The following ASAP1 variants were observed in gnomAD, a reference collection of about 807,000 sequenced individuals.
The protein encoded by ASAP1 is ArfGAP with SH3 domain, ankyrin repeat and PH domain 1.
Under a neutral mutation model 145.2 loss-of-function variants are expected in ASAP1, and 43 were observed. The ratio of observed to expected loss-of-function variants is 0.30; its 90% CI spans 0.23 to 0.38. ASAP1 has a LOEUF of 0.38. Among genes scored for constraint, ASAP1 ranks in the 10% least tolerant of loss-of-function variants. The probability of loss-of-function intolerance (pLI) is 1.00; values close to 1 mark genes in which losing one functional copy is unlikely to be tolerated. For missense variants in ASAP1, 1,018 were observed against 1,355.3 expected (o/e 0.75, Z 3.91); for synonymous variants, 546 against 515.5 (o/e 1.06, Z -0.80).
chr8:130,337,040 T>A (rs1825080845), intron 3 of ASAP1, among the ~76,000 whole-genome samples: 3 of 152,176 alleles, frequency 2.0e-5, no homozygotes, highest in African/African-American at 7.2e-5. Flanking sequence ...ACTTTACATA[T>A]CTTTACAATA....
intron 24 of ASAP1, among the ~76,000 whole-genome samples, chr8:130,096,519 G>A (rs1041128793): frequency 3.9e-5 from 6 of 152,156 alleles, no homozygotes; most frequent in African/African-American, 1.4e-4. Flanking sequence ...CACTAATATT[G>A]GCTACCATGT....
chr8:130,224,847 A>G (rs1817500270), intron 4 of ASAP1, among the ~76,000 whole-genome samples: 1 of 152,196 alleles, frequency 6.6e-6, no homozygotes, highest in Non-Finnish European at 1.5e-5. Flanking sequence ...ATCTTCACAA[A>G]AGCAGGACTG....
intron 3 of ASAP1, among the ~76,000 whole-genome samples, chr8:130,268,968 G>A (rs940920949): frequency 1.1e-4 from 16 of 152,164 alleles, no homozygotes; most frequent in Admixed American, 8.5e-4. Flanking sequence ...GAGGGAGGGT[G>A]GAGAAGGAAC....
chr8:130,093,993 T>A (rs76446802), intron 24 of ASAP1, among the ~76,000 whole-genome samples: 5,051 of 152,226 alleles, frequency 0.033, 96 homozygotes, highest in Middle Eastern at 0.071. Context: ...ATAATTTACA[T>A]CTTTGTCCCA....
chr8:130,398,356 G>T, intron 2 of ASAP1, among the ~76,000 whole-genome samples: 1 of 152,048 alleles, frequency 6.6e-6, no homozygotes, highest in East Asian at 1.9e-4. Flanking sequence ...CTTCTATTGG[G>T]AAAAATAGTA....
intron 2 of ASAP1, among the ~76,000 whole-genome samples, chr8:130,391,339 G>T (rs1828275217): frequency 2.0e-5 from 3 of 152,190 alleles, no homozygotes; most frequent in Admixed American, 2.0e-4. Context: ...AAGATGAAAA[G>T]AATTCTGGAG....
chr8:130,430,166 T>G (rs563209727), intron 1 of ASAP1, among the ~76,000 whole-genome samples: 7 of 152,324 alleles, frequency 4.6e-5, no homozygotes, highest in Admixed American at 4.6e-4. Context: ...AGAGAGATTG[T>G]CAAACTCTCA....
intron 11 of ASAP1, among the ~76,000 whole-genome samples, chr8:130,166,058 A>T (rs1483470309): frequency 6.6e-6 from 1 of 152,126 alleles, no homozygotes; most frequent in African/African-American, 2.4e-5. Flanking sequence ...GTCTTCCTCC[A>T]TTGCCCAGGC....
At chr8:130,126,600 C>T (rs1291220592) in intron 16 of ASAP1, among the ~76,000 whole-genome samples, 1 of 152,182 alleles carries the variant, frequency 6.6e-6, no homozygotes, top group Non-Finnish European at 1.5e-5. Context: ...CTACAACCTC[C>T]AATGGCCCTA....
chr8:130,186,671 T>C (rs1308938597), intron 7 of ASAP1, among the ~76,000 whole-genome samples: 1 of 152,202 alleles, frequency 6.6e-6, no homozygotes, highest in Non-Finnish European at 1.5e-5. Flanking sequence ...AAGACAGACC[T>C]GGAGTGAATG....
chr8:130,419,958 T>C (rs1018565415), intron 1 of ASAP1, among the ~76,000 whole-genome samples: 30 of 150,890 alleles, frequency 2.0e-4, no homozygotes, highest in African/African-American at 5.6e-4. Context: ...TCTTCTTCTT[T>C]TTTTTTTTTT....
chr8:130,357,830 A>C (rs1826424779), intron 3 of ASAP1, among the ~76,000 whole-genome samples, 187 bp downstream of exon 3: 1 of 152,174 alleles, frequency 6.6e-6, no homozygotes, highest in Admixed American at 6.5e-5. Context: ...AACCCGCAAG[A>C]CCCAGAAAGG....
intron 3 of ASAP1, among the ~76,000 whole-genome samples, chr8:130,259,282 A>C (rs897610330): frequency 6.6e-6 from 1 of 152,190 alleles, no homozygotes; most frequent in African/African-American, 2.4e-5. Flanking sequence ...AGCTTTAAAC[A>C]ATCTTCTATT....
chr8:130,110,366 G>A (rs745976127), intron 24 of ASAP1, among the ~76,000 whole-genome samples: 15 of 152,192 alleles, frequency 9.9e-5, no homozygotes, highest in Non-Finnish European at 2.2e-4. Context: ...CTCAGGAGAT[G>A]TGAAATCTTT....
chr8:130,161,519 G>A (rs1395969805), intron 11 of ASAP1, among the ~76,000 whole-genome samples: 2 of 152,166 alleles, frequency 1.3e-5, no homozygotes, highest in African/African-American at 4.8e-5. Flanking sequence ...CCCTGGCTTT[G>A]ACATGGACGC....
intron 4 of ASAP1, among the ~76,000 whole-genome samples, chr8:130,232,479 G>C (rs1817962844): frequency 6.6e-6 from 1 of 152,174 alleles, no homozygotes; most frequent in South Asian, 2.1e-4. Flanking sequence ...GAATGGCTTG[G>C]AGAATTTTCC....
intron 24 of ASAP1, among the ~76,000 whole-genome samples, chr8:130,097,721 C>T (rs1434558754): frequency 1.3e-5 from 2 of 150,908 alleles, no homozygotes; most frequent in Non-Finnish European, 2.9e-5. Flanking sequence ...TTCCTGGGCC[C>T]AACAATTTAG....
intron 1 of ASAP1, among the ~76,000 whole-genome samples, chr8:130,417,500 C>A (rs144804751): frequency 6.6e-6 from 1 of 152,100 alleles, no homozygotes; most frequent in Non-Finnish European, 1.5e-5. Context: ...AAGAGCAGTC[C>A]CTTCTCACAG....
intron 5 of ASAP1, among the ~76,000 whole-genome samples, chr8:130,197,440 T>C (rs577209165): frequency 6.6e-5 from 10 of 152,034 alleles, no homozygotes; most frequent in African/African-American, 2.4e-4. Context: ...CAGAACAGAC[T>C]GTCTCAAAAG....
Sources: gnomAD v4.1 joint callset for allele counts (sites outside exome capture counted in the v4.1 genomes callset) on GRCh38, gnomAD v4.1.1 for gene constraint, MANE v1.5 for transcripts, NCBI Gene and HGNC (gene_info 2026-07-23, HGNC 2026-07-21) for gene names.